Variants in NKD2 observed in about 807,000 individuals in gnomAD.
The protein encoded by NKD2 is protein naked cuticle homolog 2.
In NKD2, 43 loss-of-function variants were observed where a neutral mutation model predicts 34.8. The ratio of observed to expected loss-of-function variants is 1.24; its 90% CI spans 0.97 to 1.60. The LOEUF (loss-of-function observed/expected upper bound fraction) is 1.60. Ranked by LOEUF, NKD2 falls within the 40% of genes most tolerant of loss-of-function variation. The pLI, the probability that NKD2 is intolerant of heterozygous loss-of-function variation, is 0.00. For missense variants in NKD2, 675 were observed against 627.1 expected (o/e 1.08, Z -0.82); for synonymous variants, 278 against 265.1 (o/e 1.05, Z -0.47).
In NKD2 at chr5:1,034,249, T is replaced by C. The variant is rs1299946678; in HGVS notation, c.345T>C (p.Asp115=). 10 of 1,611,864 alleles carry C rather than the reference T, an allele frequency of 6.2e-6. No individual in the cohort carries two copies. Among genetic ancestry groups the C allele is most frequent in the African/African-American group, 1.3e-5 (1 of 74,904 alleles). ...TCCCCCCACAGGCACTCCAGTGCGATGTCTCGGTGGAGGAGGACGACCGCC... is the reference window on the plus strand; with the variant it reads ...TCCCCCCACAGGCACTCCAGTGCGACGTCTCGGTGGAGGAGGACGACCGCC... The part of the protein sequence containing the change: ...QRLNIDALQC[D]VSVEEDDRQE... Residue 115 remains aspartate, a synonymous_variant, in exon 6 of 10, where the codon GAT becomes GAC. Coordinates refer to ENST00000296849, the MANE Select transcript of NKD2 (RefSeq NM_033120.4).
chr5:1,009,118 G>T lies in NKD2; in HGVS notation c.25+36G>T, dbSNP rs2150720937. On this transcript the variant is annotated intron_variant, in intron 1 of 9. Coordinates refer to ENST00000296849, the MANE Select transcript of NKD2 (RefSeq NM_033120.4). The surrounding 1 kb of genome is among the most constrained non-coding windows in gnomAD (Gnocchi z 6.9). Reference sequence around the variant, plus strand: ...GGCCGGTAGGGCGGGAGGGCGGGCGGGCGGGCGTGGGGCCGCCTCTCACTG... The same window carrying T: ...GGCCGGTAGGGCGGGAGGGCGGGCGTGCGGGCGTGGGGCCGCCTCTCACTG... The T allele has an allele frequency of 6.4e-6, 3 of 468,372 alleles. No individual in the cohort carries two copies. Among genetic ancestry groups the T allele is most frequent in the Non-Finnish European group, 7.5e-6 (2 of 265,162 alleles). The allele number at this position is 468,372 out of a possible 1,614,324, so 29.0% of individuals were successfully genotyped here. A position where few individuals can be genotyped will look rare whatever the true frequency, so the allele number is the denominator to read the frequency against.
At chr5:1,013,785 C>T (rs985569262) in intron 3 of NKD2, among the ~76,000 whole-genome samples, 24 of 152,138 alleles carry the variant, frequency 1.6e-4, no homozygotes, top group African/African-American at 5.1e-4. Context: ...TGGTGGAGGC[C>T]GGAGGCTGGC....
At chr5:1,018,014 G>A (rs919215824) in intron 3 of NKD2, among the ~76,000 whole-genome samples, 14 of 152,050 alleles carry the variant, frequency 9.2e-5, no homozygotes, top group Admixed American at 7.9e-4. Context: ...CATGGAGGAA[G>A]CGTGGCCCCC....
At position 1,034,848 on chromosome 5, in the gene NKD2, A is replaced by T; in HGVS notation, c.519A>T (p.Leu173=). 1.2e-6 allele frequency: 2 copies of T among 1,612,802 alleles called. No individual in the cohort carries two copies. Among genetic ancestry groups the T allele is most frequent in the Non-Finnish European group, 1.7e-6 (2 of 1,179,948 alleles). The change falls in exon 7 of 10, where the codon CTA becomes CTT. Residue 173 remains leucine, a synonymous_variant. Coordinates refer to ENST00000296849, the MANE Select transcript of NKD2 (RefSeq NM_033120.4). ...GCAGCAAGACCCTCCGTGTGAAGCTAACCGTCAGCCCTGAGCCCTCCAGCA... is the reference window on the plus strand; with the variant it reads ...GCAGCAAGACCCTCCGTGTGAAGCTTACCGTCAGCCCTGAGCCCTCCAGCA... The part of the protein sequence containing the change: ...SGSSKTLRVK[L]TVSPEPSSKR...
At chr5:1,035,274 A>C in intron 7 of NKD2, 115 bp from the exon 8 acceptor site, 2 of 801,186 alleles carry the variant, frequency 2.5e-6, no homozygotes, top group South Asian at 3.4e-5. Flanking sequence ...GAATGAGTGA[A>C]CCAGTGAGTT....
At position 1,037,936 on chromosome 5, in the gene NKD2, G is replaced by C. The variant is rs145184317; in HGVS notation, c.919G>C (p.Val307Leu). ...GTCACAGGTGCTGGTGGAACACGTC[G>C]TGCCAGCCTCGGAGCCTGCTGCCCG... ...RRSQVLVEHV[V>L]PASEPAARAL... The change falls in exon 10 of 10, where the codon GTG (valine) becomes CTG (leucine). Residue 307 changes from valine (V) to leucine (L), a missense_variant. Coordinates refer to ENST00000296849, the MANE Select transcript of NKD2 (RefSeq NM_033120.4). 2.9e-5 allele frequency: 47 copies of C among 1,607,124 alleles called. No homozygotes were observed. The highest frequency in any genetic ancestry group is 4.0e-5 in the Non-Finnish European group (47 of 1,179,040).
Position 1,026,482 on chromosome 5 carries a change from G to A in NKD2, c.142-5670G>A, listed in dbSNP as rs531602079. ...CCCATTGTCCCTGCTCTTCCCATCTGCTGTGGGCGTCTCAGCCCATTGTCC... is the reference window on the plus strand; with the variant it reads ...CCCATTGTCCCTGCTCTTCCCATCTACTGTGGGCGTCTCAGCCCATTGTCC... On this transcript the variant is annotated intron_variant, in intron 3 of 9. Transcript: ENST00000296849. 2.0e-4 allele frequency among the ~76,000 whole-genome samples: 15 copies of A among 74,904 alleles called. 2 individuals are homozygous for A. The highest frequency in any genetic ancestry group is 3.0e-4 in the African/African-American group (6 of 19,930). 49.1% of individuals were successfully genotyped at this position (74,904 alleles called of 152,430 possible). A position where few individuals can be genotyped will look rare whatever the true frequency, so the allele number is the denominator to read the frequency against.
At chr5:1,032,080 C>A in intron 3 of NKD2, 72 bp from the exon 4 acceptor site, 1 of 1,257,908 alleles carries the variant, frequency 7.9e-7, no homozygotes, top group Non-Finnish European at 1.2e-6. Context: ...TCCAGCCGCC[C>A]AGAGCTCCTG....
chr5:1,019,511 C>T (rs1200260293), intron 3 of NKD2, among the ~76,000 whole-genome samples: 1 of 152,196 alleles, frequency 6.6e-6, no homozygotes, highest in Admixed American at 6.5e-5. Flanking sequence ...CCTTTCATCT[C>T]GTGGAGCCTC....
chr5:1,022,312 T>G (rs62330225), intron 3 of NKD2, among the ~76,000 whole-genome samples: 291 of 11,300 alleles, frequency 0.026, 1 homozygote, highest in Admixed American at 0.053. Flanking sequence ...GTCCCAGCCC[T>G]TTGTCCCTGC....
chr5:1,037,631 G>A (rs1220784347), intron 9 of NKD2, 174 bp from the exon 10 acceptor site: 1 of 1,535,988 alleles, frequency 6.5e-7, no homozygotes. Context: ...CACCCACAGT[G>A]GCCAGGCCCC....
intron 6 of NKD2, 72 bp downstream of exon 6, chr5:1,034,402 C>T (rs376538366): frequency 3.4e-5 from 44 of 1,285,192 alleles, no homozygotes; most frequent in Middle Eastern, 1.8e-4. Context: ...GCTGGCCTCG[C>T]GATACCTCAG....
At chr5:1,034,373 G>GTCTGTCTGCCCCGTCTGTCT in intron 6 of NKD2, 43 bp downstream of exon 6, 1 of 1,488,494 alleles carries the variant, frequency 6.7e-7, no homozygotes, top group Non-Finnish European at 9.3e-7. Flanking sequence ...GTAGTAGACA[G>GTCTGTCTGCCCCGTCTGTCT]ACGGGGCAGA....
chr5:1,031,518 C>T lies in NKD2; in HGVS notation c.142-634C>T, dbSNP rs1046164691. Among the ~76,000 whole-genome samples, 8 of 151,904 alleles carry T rather than the reference C, an allele frequency of 5.3e-5. No homozygotes were observed. In the East Asian group the frequency reaches 5.9e-4, roughly 11 times the overall value. On this transcript the variant is annotated intron_variant, in intron 3 of 9. Coordinates refer to ENST00000296849, the MANE Select transcript of NKD2 (RefSeq NM_033120.4). ...TGCTCCAGGGCGGTGTGTGCTGGGC[C>T]GAGGGGCTCCGCACCTCCACCACTG...
Position 1,009,534 on chromosome 5 carries a change from G to T in NKD2, c.115G>T (p.Ala39Ser). Residue 39 changes from alanine (A) to serine (S), a missense_variant, in exon 3 of 10, where the codon GCG becomes TCG. Transcript: ENST00000296849. This position sits in a 1 kb window ranked among gnomAD's most constrained non-coding sequence, Gnocchi z 6.9. ...GAGCGGCCGCAAAGGCGCGGAGGAA[G>T]CGGAGCGGCGCGCGCGGGACAAGCA... Reference protein sequence around the residue: ...YASGRKGAEEAERRARDKQEL... With the variant: ...YASGRKGAEESERRARDKQEL... 1 of 1,493,544 alleles carries T rather than the reference G, an allele frequency of 6.7e-7. No homozygotes were observed. The highest frequency in any genetic ancestry group is 8.8e-7 in the Non-Finnish European group (1 of 1,130,514). 92.5% of individuals were successfully genotyped at this position (1,493,544 alleles called of 1,614,324 possible).
In NKD2 at chr5:1,038,782, C is replaced by T. The variant is rs10474865; in HGVS notation, c.*409C>T. ...GCTGTAGGCTGTCCCAGTGCGAGGC[C>T]GGGAGCGAATGGAAAAGCTGAGGCT... On this transcript the variant is annotated 3_prime_UTR_variant, in exon 10 of 10. Coordinates refer to ENST00000296849, the MANE Select transcript of NKD2 (RefSeq NM_033120.4). This position sits in a 1 kb window ranked among gnomAD's most constrained non-coding sequence, Gnocchi z 4.5. 2,680 of 396,446 alleles carry T rather than the reference C, an allele frequency of 6.8e-3. 87 individuals carry two copies. The highest frequency in any genetic ancestry group is 0.05 in the African/African-American group (2,464 of 49,036). The allele number at this position is 396,446 out of a possible 1,614,324, so 24.6% of individuals were successfully genotyped here.
intron 3 of NKD2, among the ~76,000 whole-genome samples, chr5:1,015,187 A>C (rs1245885604): frequency 2.0e-5 from 3 of 152,214 alleles, no homozygotes; most frequent in African/African-American, 7.2e-5. Context: ...GCTTGTGCCA[A>C]GATGCTGTGG....
intron 3 of NKD2, among the ~76,000 whole-genome samples, chr5:1,026,977 G>T (rs1756440256): frequency 6.6e-6 from 1 of 152,238 alleles, no homozygotes; most frequent in Admixed American, 6.5e-5. Flanking sequence ...GCAGCCTTGG[G>T]CCTGGCAGCC....
At position 1,036,176 on chromosome 5, in the gene NKD2, C is replaced by T. The variant is rs1003894321; in HGVS notation, c.660-81C>T. 1.3e-5 allele frequency: 18 copies of T among 1,428,888 alleles called. No homozygotes were observed. The Middle Eastern group carries it at 6.7e-4, about 53-fold the overall frequency. 88.5% of individuals were successfully genotyped at this position (1,428,888 alleles called of 1,614,324 possible). On this transcript the variant is annotated intron_variant, in intron 8 of 9. Coordinates refer to ENST00000296849, the MANE Select transcript of NKD2 (RefSeq NM_033120.4). Reference sequence around the variant, plus strand: ...GTCAGGATGCACCCCGGACCCCTGCCGCCTGCTGTAGGCACCCCGTCATCA... The same window carrying T: ...GTCAGGATGCACCCCGGACCCCTGCTGCCTGCTGTAGGCACCCCGTCATCA...
Sources: gnomAD v4.1 joint callset for allele counts (sites outside exome capture counted in the v4.1 genomes callset) on GRCh38, gnomAD v4.1.1 for gene constraint, Gnocchi (gnomAD v3.1) non-coding constraint, MANE v1.5 for transcripts, NCBI Gene and HGNC (gene_info 2026-07-23, HGNC 2026-07-21) for gene names.